Variants in LRRFIP2 observed in about 807,000 individuals in gnomAD.
LRRFIP2 encodes LRR binding FLII interacting protein 2, also known as leucine-rich repeat flightless-interacting protein 2.
A neutral mutation model predicts 125.9 loss-of-function variants in LRRFIP2; 109 were observed. That is an observed-to-expected ratio of 0.87 (90% CI 0.74 to 1.01). LRRFIP2 has a LOEUF of 1.01. Among genes scored for constraint, LRRFIP2 ranks in the 50% least tolerant of loss-of-function variants. The pLI, the probability that LRRFIP2 is intolerant of heterozygous loss-of-function variation, is 0.00. For missense variants in LRRFIP2, 850 were observed against 862.3 expected, an observed-to-expected ratio of 0.99 and a Z score of 0.18; for synonymous variants, 291 against 293.1, an observed-to-expected ratio of 0.99 and a Z score of 0.07.
chr3:37,155,715 T>G (rs754220530), intron 1 of LRRFIP2, among the ~76,000 whole-genome samples: 3 of 152,162 alleles, frequency 2.0e-5, no homozygotes, highest in Non-Finnish European at 2.9e-5. Flanking sequence ...ACACAAATAT[T>G]AAACTCTAGC....
At chr3:37,074,738 C>A (rs930537019) in intron 20 of LRRFIP2, among the ~76,000 whole-genome samples, 3 of 152,138 alleles carry the variant, frequency 2.0e-5, no homozygotes, top group Non-Finnish European at 4.4e-5. Context: ...TAATGTTATT[C>A]TATAATTTTT....
chr3:37,164,382 C>T (rs913234981), intron 1 of LRRFIP2, among the ~76,000 whole-genome samples: 3 of 152,044 alleles, frequency 2.0e-5, no homozygotes, highest in Non-Finnish European at 4.4e-5. Context: ...TCCCACCATC[C>T]GAAGATACTC....
rs535479993 is a variant in LRRFIP2, at chr3:37,099,889, C to T, written c.873+3035G>A. Among the ~76,000 whole-genome samples, 7 of 152,214 alleles carry T rather than the reference C, an allele frequency of 4.6e-5. No individual in the cohort carries two copies. In the East Asian group the frequency reaches 5.8e-4, roughly 13 times the overall value. ...GCCTACAAACATATTTAGTACACAA[C>T]GAGGTAACCAGAAAATGTCTTTTAA... On this transcript the variant is annotated intron_variant, in intron 15 of 27. Transcript: ENST00000336686.
chr3:37,085,895 T>C (rs1234410663), intron 18 of LRRFIP2, among the ~76,000 whole-genome samples: 1 of 152,166 alleles, frequency 6.6e-6, no homozygotes. Flanking sequence ...ATGTAAAACC[T>C]TTATGCTGCA....
chr3:37,129,723 T>TG (rs1398339083), intron 2 of LRRFIP2, among the ~76,000 whole-genome samples: 2 of 152,214 alleles, frequency 1.3e-5, no homozygotes, highest in Admixed American at 1.3e-4. Context: ...CTGGATGCAG[T>TG]GGCTCAGGCC....
At chr3:37,077,021 A>C (rs904050324) in intron 19 of LRRFIP2, among the ~76,000 whole-genome samples, 4 of 152,216 alleles carry the variant, frequency 2.6e-5, no homozygotes, top group African/African-American at 9.6e-5. Context: ...ACAAAATACT[A>C]GCAAAAGTTC....
intron 8 of LRRFIP2, among the ~76,000 whole-genome samples, chr3:37,111,635 A>G (rs147775610): frequency 4.6e-4 from 70 of 152,270 alleles, no homozygotes; most frequent in Non-Finnish European, 7.2e-4. Flanking sequence ...TCCCTTCCCA[A>G]CTTCTCTAGC....
intron 1 of LRRFIP2, chr3:37,154,786 T>C (rs1246838739): frequency 6.6e-6 from 1 of 152,246 alleles, no homozygotes; most frequent in Non-Finnish European, 1.5e-5. Flanking sequence ...TTGTCCACTT[T>C]TGTAAGAACA....
At chr3:37,150,398 G>A (rs956028795) in intron 1 of LRRFIP2, among the ~76,000 whole-genome samples, 9 of 152,136 alleles carry the variant, frequency 5.9e-5, no homozygotes, top group African/African-American at 2.2e-4. Context: ...GGAGACAGAG[G>A]TTTCAGTGAG....
chr3:37,080,165 C>T (rs1010951113), intron 19 of LRRFIP2, among the ~76,000 whole-genome samples: 11 of 151,928 alleles, frequency 7.2e-5, no homozygotes, highest in African/African-American at 2.7e-4. Context: ...TTTGGGAGGC[C>T]GAGGTGGGTG....
chr3:37,077,366 A>T (rs771728571), intron 19 of LRRFIP2, among the ~76,000 whole-genome samples: 1 of 152,234 alleles, frequency 6.6e-6, no homozygotes. Flanking sequence ...AATGAGCAAG[A>T]TATCTCTATA....
intron 2 of LRRFIP2, among the ~76,000 whole-genome samples, chr3:37,131,954 GA>G (rs2095438111): frequency 6.6e-6 from 1 of 152,152 alleles, no homozygotes; most frequent in South Asian, 2.1e-4. Flanking sequence ...TCTTTTAATA[GA>G]AAAACCCCTG....
chr3:37,151,587 T>TC (rs2096025706), intron 1 of LRRFIP2, among the ~76,000 whole-genome samples: 1 of 151,894 alleles, frequency 6.6e-6, no homozygotes, highest in African/African-American at 2.4e-5. Context: ...TATGAAGATT[T>TC]CTTTTTTTTT....
chr3:37,159,961 C>T (rs1470549113), intron 1 of LRRFIP2, among the ~76,000 whole-genome samples: 1 of 114,700 alleles, frequency 8.7e-6, no homozygotes, highest in Non-Finnish European at 1.6e-5. Flanking sequence ...AGGAGGATTG[C>T]TTGAGCCCAA....
chr3:37,169,679 G>A (rs2096558868), intron 1 of LRRFIP2, among the ~76,000 whole-genome samples: 1 of 152,146 alleles, frequency 6.6e-6, no homozygotes, highest in South Asian at 2.1e-4. Flanking sequence ...GGGCATGTAA[G>A]GAACAACATG....
intron 1 of LRRFIP2, chr3:37,154,486 A>G (rs1189103370): frequency 6.6e-6 from 1 of 152,232 alleles, no homozygotes; most frequent in East Asian, 1.9e-4. Context: ...GTATCAAACA[A>G]CTTAAAGAAC....
intron 16 of LRRFIP2, among the ~76,000 whole-genome samples, chr3:37,096,332 T>C (rs1433760594): frequency 6.6e-6 from 1 of 152,224 alleles, no homozygotes; most frequent in Non-Finnish European, 1.5e-5. Flanking sequence ...TTTCAGTGTT[T>C]ACTGGCTTCT....
intron 17 of LRRFIP2, among the ~76,000 whole-genome samples, chr3:37,093,569 G>T (rs1576445655): frequency 6.6e-6 from 1 of 152,190 alleles, no homozygotes; most frequent in East Asian, 1.9e-4. Context: ...TTGCAGTTTT[G>T]ACTTGCTCAC....
chr3:37,141,215 T>A (rs1427229356), intron 2 of LRRFIP2, among the ~76,000 whole-genome samples: 1 of 152,186 alleles, frequency 6.6e-6, no homozygotes, highest in Non-Finnish European at 1.5e-5. Flanking sequence ...CCACTCACTC[T>A]CCACTGGGTG....
Sources: allele counts gnomAD v4.1 joint callset (sites outside exome capture counted in the v4.1 genomes callset), GRCh38; gene constraint gnomAD v4.1.1; transcripts MANE v1.5; gene names NCBI Gene and HGNC (gene_info 2026-07-23, HGNC 2026-07-21).